The following LCP1 variants were observed in gnomAD, a reference collection of about 807,000 sequenced individuals.
The protein encoded by LCP1 is plastin-2.
In LCP1, 23 loss-of-function variants were observed where a neutral mutation model predicts 72.0. The observed-to-expected ratio is 0.32, with a 90% confidence interval of 0.23 to 0.45. LCP1 has a LOEUF of 0.45. Ranked by LOEUF, LCP1 falls within the 20% of genes least tolerant of loss-of-function variation. The pLI, the probability that LCP1 is intolerant of heterozygous loss-of-function variation, is 1.00. For missense variants in LCP1, 571 were observed against 748.3 expected (o/e 0.76, Z 2.76); for synonymous variants, 245 against 275.4 (o/e 0.89, Z 1.09).
intron 1 of LCP1, among the ~76,000 whole-genome samples, chr13:46,177,631 A>G (rs1000897183): frequency 2.6e-5 from 4 of 152,136 alleles, no homozygotes; most frequent in African/African-American, 7.2e-5. Context: ...GCCAGGAGGC[A>G]GAGGTTTCAG....
intron 12 of LCP1, chr13:46,142,763 G>T (rs938523290): frequency 6.3e-6 from 3 of 476,048 alleles, no homozygotes; most frequent in Non-Finnish European, 1.2e-5. Context: ...CATGGAGATT[G>T]ACATGGAAAA....
At chr13:46,174,834 C>CAAAAAAAAAAAAAAAAA (rs398056355) in intron 1 of LCP1, among the ~76,000 whole-genome samples, 1 of 82,300 alleles carries the variant, frequency 1.2e-5, no homozygotes, top group African/African-American at 4.3e-5. Context: ...ACTCCATCTT[C>CAAAAAAAAAAAAAAAAA]AAAAAAAAAA....
chr13:46,159,658 G>C lies in LCP1; in HGVS notation c.5C>G (p.Ala2Gly). The C allele has an allele frequency of 6.2e-7, 1 of 1,613,822 alleles. No homozygotes were observed. The highest frequency in any genetic ancestry group is 8.5e-7 in the Non-Finnish European group (1 of 1,179,768). M[A>G]RGSVSDEEMM... ...TTCCTCATCGGACACTGATCCTCTG[G>C]CCATTTTTTATTGCTTTAGGTAACA... Residue 2 changes from alanine to glycine, a missense_variant, in exon 2 of 16, where the codon GCC becomes GGC. Ala to Gly is a moderately conservative substitution (Grantham distance 60, BLOSUM62 0). Transcript: ENST00000323076.
At chr13:46,149,656 G>A (rs1485356135) in intron 8 of LCP1, among the ~76,000 whole-genome samples, 1 of 152,202 alleles carries the variant, frequency 6.6e-6, no homozygotes, top group African/African-American at 2.4e-5. Flanking sequence ...GCGGCTGCCA[G>A]AGAACAGGCA....
intron 1 of LCP1, among the ~76,000 whole-genome samples, chr13:46,175,617 T>C (rs771624547): frequency 1.3e-5 from 2 of 151,690 alleles, no homozygotes; most frequent in Non-Finnish European, 2.9e-5. Context: ...ACCAGGTAGA[T>C]GAAGTATCAC....
At chr13:46,167,098 T>G (rs1170092113) in intron 1 of LCP1, among the ~76,000 whole-genome samples, 1 of 152,172 alleles carries the variant, frequency 6.6e-6, no homozygotes, top group Non-Finnish European at 1.5e-5. Flanking sequence ...GCCTACAGAA[T>G]TCTTCTCTCT....
In LCP1 at chr13:46,127,203, C is replaced by A. The variant is rs57510477; in HGVS notation, c.*388G>T. Reference sequence around the variant, plus strand: ...GCAGGTGTGATGTTTCCCCTCCTGGCCCTCATCTTGAACAAAGAAAAGGGA... The same window carrying A: ...GCAGGTGTGATGTTTCCCCTCCTGGACCTCATCTTGAACAAAGAAAAGGGA... On this transcript the variant is annotated 3_prime_UTR_variant, in exon 16 of 16. Transcript: ENST00000323076. The A allele has an allele frequency of 2.0e-5, 5 of 244,668 alleles. No individual in the cohort carries two copies. The highest frequency in any genetic ancestry group is 4.0e-5 in the Non-Finnish European group (5 of 125,348). The allele number at this position is 244,668 out of a possible 1,614,324, so 15.2% of individuals were successfully genotyped here.
chr13:46,140,809 TAAA>T (rs1337000287), intron 13 of LCP1, among the ~76,000 whole-genome samples: 2 of 152,254 alleles, frequency 1.3e-5, no homozygotes, highest in East Asian at 3.9e-4. Context: ...ATGTCCAGGT[TAAA>T]AAACATGTAC....
chr13:46,127,879 C>T (rs1249181403), intron 15 of LCP1, among the ~76,000 whole-genome samples, 156 bp from the exon 16 acceptor site: 1 of 152,268 alleles, frequency 6.6e-6, no homozygotes, highest in East Asian at 1.9e-4. Context: ...CTTTTGTGGA[C>T]AAATTTTGGC....
At chr13:46,178,326 G>A (rs1243796617) in intron 1 of LCP1, among the ~76,000 whole-genome samples, 2 of 151,990 alleles carry the variant, frequency 1.3e-5, no homozygotes, top group African/African-American at 2.4e-5. Context: ...GCAATTTCTG[G>A]GCAGACTGAT....
In LCP1 at chr13:46,145,908, C is replaced by CAA. The variant is rs527364466; in HGVS notation, c.1174+998_1174+999dup. The stretch of plus-strand genomic sequence containing the variant: ...TGGGCGACAGAGCGAGACTCCGTCT[C>CAA]AAAAAAAAAAAAAAAAAAAAAAAAA... On this transcript the variant is annotated intron_variant, in intron 10 of 15. Coordinates refer to ENST00000323076, the MANE Select transcript of LCP1 (RefSeq NM_002298.5). 1.6e-3 allele frequency among the ~76,000 whole-genome samples: 18 copies of CAA among 11,360 alleles called. 4 individuals are homozygous for CAA. The highest frequency in any genetic ancestry group is 6.8e-3 in the African/African-American group (10 of 1,470). The allele number at this position is 11,360 out of a possible 152,430, so 7.5% of individuals were successfully genotyped here. A position where few individuals can be genotyped will look rare whatever the true frequency, so the allele number is the denominator to read the frequency against.
intron 1 of LCP1, among the ~76,000 whole-genome samples, chr13:46,176,759 T>C (rs2045932599): frequency 1.3e-5 from 2 of 152,220 alleles, no homozygotes; most frequent in Admixed American, 1.3e-4. Context: ...GCTTGCTGAA[T>C]TTGGTGTCAG....
chr13:46,148,651 G>A (rs1232993409), intron 8 of LCP1: 1 of 520,216 alleles, frequency 1.9e-6, no homozygotes, highest in African/African-American at 1.9e-5. Context: ...TTTAAAAGGA[G>A]CGTAACAATA....
intron 1 of LCP1, among the ~76,000 whole-genome samples, chr13:46,167,621 G>C (rs2045883694): frequency 6.6e-6 from 1 of 152,150 alleles, no homozygotes; most frequent in Non-Finnish European, 1.5e-5. Flanking sequence ...AGCAATTTAA[G>C]ATCCAGACTT....
intron 1 of LCP1, among the ~76,000 whole-genome samples, chr13:46,163,276 T>C (rs1319081179): frequency 1.3e-5 from 2 of 152,368 alleles, no homozygotes; most frequent in African/African-American, 4.8e-5. Context: ...GGAGGCTCCA[T>C]TTTGTTCTGT....
At chr13:46,155,038 G>C in intron 5 of LCP1, 152 bp from the exon 6 acceptor site, 1 of 646,780 alleles carries the variant, frequency 1.5e-6, no homozygotes, top group South Asian at 1.9e-5. Flanking sequence ...CGTTTGACTA[G>C]ACTCAAACTA....
intron 13 of LCP1, among the ~76,000 whole-genome samples, chr13:46,136,107 A>G (rs892495121): frequency 6.9e-6 from 1 of 144,696 alleles, no homozygotes; most frequent in African/African-American, 2.7e-5. Context: ...ACACACACAC[A>G]CACACAAAGA....
At chr13:46,165,492 T>C (rs2045871409) in intron 1 of LCP1, among the ~76,000 whole-genome samples, 1 of 152,216 alleles carries the variant, frequency 6.6e-6, no homozygotes, top group Non-Finnish European at 1.5e-5. Context: ...GTGATGGCTT[T>C]AGTTTGCAAA....
At position 46,158,795 on chromosome 13, in the gene LCP1, T is replaced by C. The variant is rs202196438; in HGVS notation, c.228+31A>G. The C allele has an allele frequency of 1.9e-6, 3 of 1,608,058 alleles. No individual in the cohort carries two copies. The Admixed American group carries it at 5.1e-5, about 27-fold the overall frequency. On this transcript the variant is annotated intron_variant, in intron 3 of 15. Coordinates refer to ENST00000323076, the MANE Select transcript of LCP1 (RefSeq NM_002298.5). ...CAGAATTCAAGTTCCAAGTTTCAAA[T>C]GTGTCTCCTTGTATTCTGCATGGTA...
Sources: allele counts gnomAD v4.1 joint callset (sites outside exome capture counted in the v4.1 genomes callset), GRCh38; gene constraint gnomAD v4.1.1; transcripts MANE v1.5; gene names NCBI Gene and HGNC (gene_info 2026-07-23, HGNC 2026-07-21).